Variants in ADNP2 observed in about 807,000 individuals in gnomAD.
The protein encoded by ADNP2 is ADNP homeobox 2.
A neutral mutation model predicts 16.4 loss-of-function variants in ADNP2; 8 were observed. The observed-to-expected ratio is 0.49, with a 90% CI of 0.29 to 0.88. ADNP2 has a LOEUF of 0.88. Among genes scored for constraint, ADNP2 ranks in the 40% least tolerant of loss-of-function variants. ADNP2 has a pLI of 0.09. For synonymous variants in ADNP2, 637 were observed against 545.8 expected, an observed-to-expected ratio of 1.17 and a Z score of -2.33; for missense variants, 1,397 against 1,395.1, an observed-to-expected ratio of 1.00 and a Z score of -0.02.
chr18:80,117,589 G>GA lies in ADNP2; in HGVS notation c.53dup (p.Val19GlyfsTer11). The stretch of plus-strand genomic sequence containing the variant: ...AATCTTGACAACATCAGAAAGGTGC[G>GA]AAAAAAGGTGAAAGGTATTCTTGTG... On this transcript the variant is annotated frameshift_variant, in exon 2 of 4. Transcript: ENST00000262198. LOFTEE classifies it high-confidence loss of function. 1.2e-6 allele frequency: 2 copies of GA among 1,602,872 alleles called. No individual in the cohort carries two copies. Among genetic ancestry groups the GA allele is most frequent in the Admixed American group, 3.6e-5 (2 of 56,056 alleles).
intron 1 of ADNP2, among the ~76,000 whole-genome samples, chr18:80,110,745 C>A (rs972188341): frequency 6.6e-6 from 1 of 152,144 alleles, no homozygotes; most frequent in African/African-American, 2.4e-5. Flanking sequence ...GTTAGGACTT[C>A]ACTGCGAAGA....
Position 80,138,813 on chromosome 18 carries a change from T to C in ADNP2, c.*4T>C. The C allele has an allele frequency of 7.3e-7, 1 of 1,368,866 alleles. No homozygotes were observed. The highest frequency in any genetic ancestry group is 9.4e-7 in the Non-Finnish European group (1 of 1,068,004). 84.8% of individuals were successfully genotyped at this position (1,368,866 alleles called of 1,614,324 possible). ...GAACTTTGAATATGAACCATAAAACTTGCAAAAAAAAAAAAAAGTAACTCT... is the reference window on the plus strand; with the variant it reads ...GAACTTTGAATATGAACCATAAAACCTGCAAAAAAAAAAAAAAGTAACTCT... On this transcript the variant is annotated 3_prime_UTR_variant, in exon 4 of 4. Coordinates refer to ENST00000262198, the MANE Select transcript of ADNP2 (RefSeq NM_014913.4).
chr18:80,112,428 C>T (rs1000329905), intron 1 of ADNP2, among the ~76,000 whole-genome samples: 8 of 148,154 alleles, frequency 5.4e-5, no homozygotes, highest in Non-Finnish European at 1.2e-4. Context: ...TAGGAAACTG[C>T]TAAACAAAAA....
At chr18:80,111,607 C>T (rs143424661) in intron 1 of ADNP2, among the ~76,000 whole-genome samples, 1,517 of 151,002 alleles carry the variant, frequency 0.01, 20 homozygotes, top group African/African-American at 0.032. Flanking sequence ...TGCCCTGTCG[C>T]CCAGGCTGGA....
At position 80,137,525 on chromosome 18, in the gene ADNP2, G is replaced by T. The variant is rs35954328; in HGVS notation, c.2112G>T (p.Pro704=). 1 of 1,614,084 alleles carries T rather than the reference G, an allele frequency of 6.2e-7. No individual in the cohort carries two copies. Residue 704 remains proline, a synonymous_variant, in exon 4 of 4, where the codon CCG becomes CCT. Transcript: ENST00000262198. This position sits in a 1 kb window ranked among gnomAD's most constrained non-coding sequence, Gnocchi z 4.2. The stretch of plus-strand genomic sequence containing the variant: ...GCCCTGTCTGCAACGAGCTCTTTCC[G>T]TCCAACGTCTACCAGGTCCACATGG... ...KTCPVCNELF[P]SNVYQVHMEV... is the part of the protein sequence containing the mutation.
Position 80,135,860 on chromosome 18 carries a change from G to A in ADNP2, c.447G>A (p.Arg149=). Residue 149 remains arginine (R), a synonymous_variant, in exon 4 of 4, where the codon AGG becomes AGA. Coordinates refer to ENST00000262198, the MANE Select transcript of ADNP2 (RefSeq NM_014913.4). ...TTTTAGGTGAAACTAAATCATCTAG[G>A]AGCGATGTGATAAGTTTCACATGTC... ...VNILGETKSS[R]SDVISFTCLK... is the part of the protein sequence containing the mutation. 8 of 1,614,188 alleles carry A rather than the reference G, an allele frequency of 5.0e-6. No individual in the cohort carries two copies. Among genetic ancestry groups the A allele is most frequent in the East Asian group, 2.2e-5 (1 of 44,876 alleles).
chr18:80,127,241 C>A (rs2052465090), intron 2 of ADNP2, among the ~76,000 whole-genome samples: 1 of 151,306 alleles, frequency 6.6e-6, no homozygotes, highest in Admixed American at 6.6e-5. Flanking sequence ...CCACTGGGGT[C>A]TTGGAACATG....
rs1224265794 is a variant in ADNP2 at position 80,139,331 on chromosome 18, C to G, written c.*522C>G. On this transcript the variant is annotated 3_prime_UTR_variant, in exon 4 of 4. Transcript: ENST00000262198. Reference sequence around the variant, plus strand: ...GATGCACTGCATTAACTTACGCTGACTTCTTTGTAAGATCTTTGCTTATAG... The same window carrying G: ...GATGCACTGCATTAACTTACGCTGAGTTCTTTGTAAGATCTTTGCTTATAG... 6.6e-6 allele frequency: 1 copy of G among 151,712 alleles called. No individual in the cohort carries two copies. The highest frequency in any genetic ancestry group is 1.5e-5 in the Non-Finnish European group (1 of 67,984). The allele number at this position is 151,712 out of a possible 1,614,324, so 9.4% of individuals were successfully genotyped here.
At position 80,137,173 on chromosome 18, in the gene ADNP2, C is replaced by T. The variant is rs766356947; in HGVS notation, c.1760C>T (p.Ser587Leu). Reference sequence around the variant, plus strand: ...AATCAGCCAGTGAGACCTGGTGCTTCGCAGAACACCACCTTCCTGACATCA... The same window carrying T: ...AATCAGCCAGTGAGACCTGGTGCTTTGCAGAACACCACCTTCCTGACATCA... Reference protein sequence around the residue: ...PVNQPVRPGASQNTTFLTSGS... With the variant: ...PVNQPVRPGALQNTTFLTSGS... The change falls in exon 4 of 4, where the codon TCG becomes TTG. Residue 587 changes from serine (S) to leucine (L), a missense_variant. Physicochemically the swap from Ser to Leu is moderately radical, Grantham distance 145 (BLOSUM62 -2). Coordinates refer to ENST00000262198, the MANE Select transcript of ADNP2 (RefSeq NM_014913.4). The surrounding 1 kb of genome is among the most constrained non-coding windows in gnomAD (Gnocchi z 4.2). 1.3e-5 allele frequency: 21 copies of T among 1,614,212 alleles called. No homozygotes were observed. Among genetic ancestry groups the T allele is most frequent in the Middle Eastern group, 1.6e-4 (1 of 6,062 alleles).
At chr18:80,112,456 CT>C (rs1298832276) in intron 1 of ADNP2, among the ~76,000 whole-genome samples, 2 of 151,482 alleles carry the variant, frequency 1.3e-5, no homozygotes, top group Non-Finnish European at 2.9e-5. Context: ...GAGGGGGGAA[CT>C]TTTCCCCCTC....
At position 80,138,359 on chromosome 18, in the gene ADNP2, C is replaced by T. The variant is rs3826595; in HGVS notation, c.2946C>T (p.Asp982=). Residue 982 remains aspartate, a synonymous_variant, in exon 4 of 4, where the codon GAC becomes GAT. Coordinates refer to ENST00000262198, the MANE Select transcript of ADNP2 (RefSeq NM_014913.4). ...TTTCTGTTAAGAGAAAGCTGCCTGACGGCCACTTAGGGGCCGAAGACCAGC... is the reference window on the plus strand; with the variant it reads ...TTTCTGTTAAGAGAAAGCTGCCTGATGGCCACTTAGGGGCCGAAGACCAGC... The part of the protein sequence containing the change: ...SSFSVKRKLP[D]GHLGAEDQRH... The T allele has an allele frequency of 0.15, 245,625 of 1,613,934 alleles. 27,277 individuals are homozygous for T. The highest frequency in any genetic ancestry group is 0.47 in the East Asian group (21,072 of 44,850).
chr18:80,125,425 C>T (rs1332260253), intron 2 of ADNP2, among the ~76,000 whole-genome samples: 6 of 152,264 alleles, frequency 3.9e-5, no homozygotes, highest in East Asian at 1.9e-4. Context: ...GGGCGGATCA[C>T]GAGGTCAGGA....
chr18:80,117,024 TTATC>T (rs923271421), intron 1 of ADNP2, among the ~76,000 whole-genome samples: 12 of 152,336 alleles, frequency 7.9e-5, no homozygotes, highest in African/African-American at 2.6e-4. Context: ...GTAAACTGGG[TTATC>T]TGTGTTTTAA....
chr18:80,118,911 T>C (rs1312147553), intron 2 of ADNP2, among the ~76,000 whole-genome samples: 1 of 152,102 alleles, frequency 6.6e-6, no homozygotes, highest in Non-Finnish European at 1.5e-5. Context: ...GGGGAGAAAA[T>C]TTTATTTGTA....
At position 80,112,460 on chromosome 18, in the gene ADNP2, T is replaced by TC. The variant is rs200763390; in HGVS notation, c.-14+2993dup. On this transcript the variant is annotated intron_variant, in intron 1 of 3. Coordinates refer to ENST00000262198, the MANE Select transcript of ADNP2 (RefSeq NM_014913.4). The stretch of plus-strand genomic sequence containing the variant: ...AAAAAAAAAAGGAGGGGGGAACTTT[T>TC]CCCCCTCCTTTTTTTAAATGAAAAG... 9.0e-3 allele frequency among the ~76,000 whole-genome samples: 1,375 copies of TC among 152,062 alleles called. 9 individuals are homozygous for TC. The highest frequency in any genetic ancestry group is 0.041 in the East Asian group (213 of 5,154).
Position 80,137,174 on chromosome 18 carries a change from G to A in ADNP2, c.1761G>A (p.Ser587=), listed in dbSNP as rs150632789. ...PVNQPVRPGA[S]QNTTFLTSGS... ...ATCAGCCAGTGAGACCTGGTGCTTC[G>A]CAGAACACCACCTTCCTGACATCAG... Residue 587 remains serine, a synonymous_variant, in exon 4 of 4, where the codon TCG becomes TCA. Coordinates refer to ENST00000262198, the MANE Select transcript of ADNP2 (RefSeq NM_014913.4). This position sits in a 1 kb window ranked among gnomAD's most constrained non-coding sequence, Gnocchi z 4.2. 88 of 1,614,178 alleles carry A rather than the reference G, an allele frequency of 5.5e-5. No homozygotes were observed. Among genetic ancestry groups the A allele is most frequent in the African/African-American group, 3.3e-4 (25 of 75,040 alleles).
Position 80,137,287 on chromosome 18 carries a change from C to T in ADNP2, c.1874C>T (p.Pro625Leu). The T allele has an allele frequency of 6.2e-7, 1 of 1,613,980 alleles. No homozygotes were observed. The highest frequency in any genetic ancestry group is 1.1e-5 in the South Asian group (1 of 91,084). ...CTGGCCCCCGTGTCTGTCACTCTGC[C>T]GGTTCCCCCTGGAGGCCTTGCGACT... is the stretch of plus-strand genomic sequence containing the variant. ...YTLAPVSVTL[P>L]VPPGGLATVA... Residue 625 changes from proline to leucine, a missense_variant, in exon 4 of 4, where the codon CCG (proline) becomes CTG (leucine). By Grantham distance (98) the Pro-to-Leu change is moderately conservative. This residue lies in a region of ADNP2 where 611 missense variants were observed against 648.7 expected (regional missense o/e 0.94). Transcript: ENST00000262198. The surrounding 1 kb of genome is among the most constrained non-coding windows in gnomAD (Gnocchi z 4.2).
chr18:80,120,990 T>G (rs2052421235), intron 2 of ADNP2, among the ~76,000 whole-genome samples: 1 of 152,208 alleles, frequency 6.6e-6, no homozygotes, highest in South Asian at 2.1e-4. Flanking sequence ...ATTTTGGGTG[T>G]ATATACCTAG....
chr18:80,139,890 G>A lies in ADNP2; in HGVS notation c.*1081G>A, dbSNP rs771658874. 5 of 152,174 alleles carry A rather than the reference G, an allele frequency of 3.3e-5. No individual in the cohort carries two copies. The highest frequency in any genetic ancestry group is 2.0e-4 in the Admixed American group (3 of 15,282). 9.4% of individuals were successfully genotyped at this position (152,174 alleles called of 1,614,324 possible). A position where few individuals can be genotyped will look rare whatever the true frequency, so the allele number is the denominator to read the frequency against. On this transcript the variant is annotated 3_prime_UTR_variant, in exon 4 of 4. Coordinates refer to ENST00000262198, the MANE Select transcript of ADNP2 (RefSeq NM_014913.4). Reference sequence around the variant, plus strand: ...GGAGAAACGGGCTTTTCTCTAGCTGGTTTAGGCTGGAAGCTGTGTCCGGGT... The same window carrying A: ...GGAGAAACGGGCTTTTCTCTAGCTGATTTAGGCTGGAAGCTGTGTCCGGGT...
Sources: gnomAD v4.1 joint callset for allele counts (sites outside exome capture counted in the v4.1 genomes callset) on GRCh38, gnomAD v4.1.1 for gene constraint, gnomAD v4.1.1 regional missense constraint, Gnocchi (gnomAD v3.1) non-coding constraint, MANE v1.5 for transcripts, NCBI Gene and HGNC (gene_info 2026-07-23, HGNC 2026-07-21) for gene names.